The following SLC24A3 variants were observed in gnomAD, a reference collection of about 807,000 sequenced individuals.
The protein encoded by SLC24A3 is sodium/potassium/calcium exchanger 3.
In SLC24A3, 28 loss-of-function variants were observed where a neutral mutation model predicts 75.8. The ratio of observed to expected loss-of-function variants is 0.37; its 90% CI spans 0.27 to 0.51. The LOEUF (loss-of-function observed/expected upper bound fraction) is 0.51. SLC24A3 is among the 20% of genes least tolerant of loss of function. SLC24A3 has a pLI of 0.94. For synonymous variants in SLC24A3, 372 were observed against 334.1 expected (o/e 1.11, Z -1.24); for missense variants, 663 against 847.8 (o/e 0.78, Z 2.71).
At chr20:19,263,055 G>GTGTGTT (rs1431644142) in intron 1 of SLC24A3, among the ~76,000 whole-genome samples, 3 of 151,580 alleles carry the variant, frequency 2.0e-5, no homozygotes, top group Non-Finnish European at 4.4e-5. Context: ...GTGTGTGTGT[G>GTGTGTT]TGTGTGTGTG....
rs1393227682 is a variant in SLC24A3 at position 19,721,746 on chromosome 20, C to T, written c.*606C>T. 2.6e-5 allele frequency: 4 copies of T among 152,950 alleles called. No individual in the cohort carries two copies. Among genetic ancestry groups the T allele is most frequent in the South Asian group, 2.1e-4 (1 of 4,824 alleles). 9.5% of individuals were successfully genotyped at this position (152,950 alleles called of 1,614,324 possible). On this transcript the variant is annotated 3_prime_UTR_variant, in exon 17 of 17. Coordinates refer to ENST00000328041, the MANE Select transcript of SLC24A3 (RefSeq NM_020689.4). ...TCAATTACCCAAAGGCTGCACCTGC[C>T]GTGTTGTCTGGGCTTGCATCCCAGA...
chr20:19,658,692 C>T (rs1187707454), intron 7 of SLC24A3, among the ~76,000 whole-genome samples: 1 of 152,114 alleles, frequency 6.6e-6, no homozygotes, highest in African/African-American at 2.4e-5. Context: ...GCTCTGAAAG[C>T]GTTGAGAAGG....
chr20:19,493,839 G>A (rs1486944715), intron 2 of SLC24A3, among the ~76,000 whole-genome samples: 1 of 152,200 alleles, frequency 6.6e-6, no homozygotes, highest in Non-Finnish European at 1.5e-5. Context: ...CAATGAGGCA[G>A]ACTTTCTAGG....
At chr20:19,427,235 G>C (rs554322460) in intron 2 of SLC24A3, among the ~76,000 whole-genome samples, 1 of 152,274 alleles carries the variant, frequency 6.6e-6, no homozygotes, top group African/African-American at 2.4e-5. Context: ...GCTGGCAGCA[G>C]TGAGACACCG....
chr20:19,664,248 T>TG (rs1024068725), intron 7 of SLC24A3, among the ~76,000 whole-genome samples: 12 of 152,106 alleles, frequency 7.9e-5, no homozygotes, highest in Middle Eastern at 3.2e-3. Context: ...AAAAGAAAGT[T>TG]GGGGGGGTTA....
chr20:19,476,621 A>ACTGG (rs1452681005), intron 2 of SLC24A3, among the ~76,000 whole-genome samples: 1 of 152,216 alleles, frequency 6.6e-6, no homozygotes, highest in Non-Finnish European at 1.5e-5. Flanking sequence ...CTGATAAAGG[A>ACTGG]CTAGCATTCA....
At chr20:19,408,056 G>A (rs1376337636) in intron 2 of SLC24A3, among the ~76,000 whole-genome samples, 1 of 152,164 alleles carries the variant, frequency 6.6e-6, no homozygotes, top group Non-Finnish European at 1.5e-5. Context: ...TAGAAAAGAA[G>A]TCCTCCCTTA....
In SLC24A3 at chr20:19,685,457, T is replaced by C; in HGVS notation, c.1324+96T>C. On this transcript the variant is annotated intron_variant, in intron 12 of 16. Transcript: ENST00000328041. ...ATTATCTTTTTACCATTCAATTTTT[T>C]AAAATCTCTGTATGAACATGAGACT... 2.0e-6 allele frequency: 3 copies of C among 1,531,586 alleles called. No individual in the cohort carries two copies. In the South Asian group the frequency reaches 3.9e-5, roughly 20 times the overall value. The allele number at this position is 1,531,586 out of a possible 1,614,324, so 94.9% of individuals were successfully genotyped here. A position where few individuals can be genotyped will look rare whatever the true frequency, so the allele number is the denominator to read the frequency against.
At chr20:19,680,411 G>A (rs1042379267) in intron 9 of SLC24A3, among the ~76,000 whole-genome samples, 1 of 151,654 alleles carries the variant, frequency 6.6e-6, no homozygotes, top group African/African-American at 2.4e-5. Context: ...GGCACGGTGA[G>A]GTCTGCCTTT....
chr20:19,296,660 A>G (rs1984066957), intron 2 of SLC24A3, among the ~76,000 whole-genome samples: 1 of 152,198 alleles, frequency 6.6e-6, no homozygotes, highest in African/African-American at 2.4e-5. Context: ...GGGAAACTTT[A>G]ATACCCCACT....
intron 1 of SLC24A3, among the ~76,000 whole-genome samples, chr20:19,222,833 C>CTTCCTTCA (rs1981765060): frequency 1.4e-5 from 2 of 140,012 alleles, no homozygotes; most frequent in Admixed American, 1.4e-4. Context: ...TCCTTCCTTC[C>CTTCCTTCA]TTCTTTCCTT....
At chr20:19,634,473 T>C (rs1311100167) in intron 6 of SLC24A3, among the ~76,000 whole-genome samples, 1 of 152,104 alleles carries the variant, frequency 6.6e-6, no homozygotes, top group Non-Finnish European at 1.5e-5. Flanking sequence ...TCCCAAAATG[T>C]TCATATCAGT....
chr20:19,303,485 T>G lies in SLC24A3; in HGVS notation c.271+22398T>G, dbSNP rs561366559. 8.4e-4 allele frequency among the ~76,000 whole-genome samples: 128 copies of G among 152,344 alleles called. 1 individual carries two copies. The highest frequency in any genetic ancestry group is 3.0e-3 in the African/African-American group (123 of 41,580). On this transcript the variant is annotated intron_variant, in intron 2 of 16. Transcript: ENST00000328041. ...TGCAATGAACATATGCGTGCCTGTA[T>G]CTTTATGGTAGAATGATTTATGTTC... is the stretch of plus-strand genomic sequence containing the variant.
chr20:19,702,299 G>A (rs970918604), intron 15 of SLC24A3, among the ~76,000 whole-genome samples: 9 of 152,132 alleles, frequency 5.9e-5, no homozygotes, highest in South Asian at 2.1e-4. Context: ...CTACTGACAC[G>A]GTGACATCAT....
chr20:19,371,221 A>G lies in SLC24A3; in HGVS notation c.271+90134A>G, dbSNP rs531159731. On this transcript the variant is annotated intron_variant, in intron 2 of 16. Transcript: ENST00000328041. ...CAATAGGGGAGGGAGCAGGGTACATATAGGCCAACTGGGAGGTAGGGGAGG... is the reference window on the plus strand; with the variant it reads ...CAATAGGGGAGGGAGCAGGGTACATGTAGGCCAACTGGGAGGTAGGGGAGG... Among the ~76,000 whole-genome samples, 16 of 152,244 alleles carry G rather than the reference A, an allele frequency of 1.1e-4. No homozygotes were observed. In the South Asian group the frequency reaches 1.9e-3, roughly 18 times the overall value.
intron 10 of SLC24A3, among the ~76,000 whole-genome samples, chr20:19,682,327 G>T (rs978282693): frequency 6.6e-6 from 1 of 152,192 alleles, no homozygotes; most frequent in East Asian, 1.9e-4. Context: ...GCTAGAATAT[G>T]AGCCCATCTG....
chr20:19,396,416 T>C (rs555106818), intron 2 of SLC24A3, among the ~76,000 whole-genome samples: 2 of 152,332 alleles, frequency 1.3e-5, no homozygotes. Flanking sequence ...GAAGTCAATA[T>C]ACAAATTAGT....
At position 19,212,994 on chromosome 20, in the gene SLC24A3, C is replaced by T. The variant is rs564006872; in HGVS notation, c.142+10C>T. ...CTGCGAGAGCAGAAGGGTGAGTGCA[C>T]GCTGCCTGCCCCGAGTGGGCGCTGC... is the stretch of plus-strand genomic sequence containing the variant. On this transcript the variant is annotated intron_variant, in intron 1 of 16. Coordinates refer to ENST00000328041, the MANE Select transcript of SLC24A3 (RefSeq NM_020689.4). The T allele has an allele frequency of 3.1e-5, 39 of 1,266,318 alleles. 1 individual carries two copies. In the South Asian group the frequency reaches 8.6e-4, roughly 28 times the overall value. 78.4% of individuals were successfully genotyped at this position (1,266,318 alleles called of 1,614,324 possible). A position where few individuals can be genotyped will look rare whatever the true frequency, so the allele number is the denominator to read the frequency against.
intron 1 of SLC24A3, among the ~76,000 whole-genome samples, chr20:19,259,307 C>T (rs950473288): frequency 6.6e-6 from 1 of 152,224 alleles, no homozygotes; most frequent in Non-Finnish European, 1.5e-5. Flanking sequence ...ACCCAGCATG[C>T]AGGAGCTTTC....
Sources: gnomAD v4.1 joint callset for allele counts (sites outside exome capture counted in the v4.1 genomes callset) on GRCh38, gnomAD v4.1.1 for gene constraint, MANE v1.5 for transcripts, NCBI Gene and HGNC (gene_info 2026-07-23, HGNC 2026-07-21) for gene names.